Variants in BIRC2 observed in about 807,000 individuals in gnomAD.
BIRC2 encodes the protein baculoviral IAP repeat containing 2, also known as baculoviral IAP repeat-containing protein 2.
BIRC2 carries 18 observed loss-of-function variants against 60.9 expected under a neutral mutation model. The ratio of observed to expected loss-of-function variants is 0.30; its 90% CI spans 0.20 to 0.44. BIRC2 has a LOEUF of 0.44. Among genes scored for constraint, BIRC2 ranks in the 20% least tolerant of loss-of-function variants. The pLI, the probability that BIRC2 is intolerant of heterozygous loss-of-function variation, is 1.00. For missense variants in BIRC2, 701 were observed against 728.5 expected, an observed-to-expected ratio of 0.96 and a Z score of 0.43; for synonymous variants, 282 against 247.7, an observed-to-expected ratio of 1.14 and a Z score of -1.30.
At chr11:102,351,747 C>CT (rs1480839599) in intron 3 of BIRC2, among the ~76,000 whole-genome samples, 2 of 149,334 alleles carry the variant, frequency 1.3e-5, no homozygotes, top group Non-Finnish European at 1.5e-5. Context: ...CTAGCAGTGT[C>CT]TTTTTTTATT....
intron 3 of BIRC2, among the ~76,000 whole-genome samples, chr11:102,356,185 A>C (rs1217523925): frequency 6.6e-6 from 1 of 151,558 alleles, no homozygotes; most frequent in African/African-American, 2.4e-5. Flanking sequence ...GTTAGTGGAA[A>C]AGCTGAAAGC....
At position 102,377,835 on chromosome 11, in the gene BIRC2, T is replaced by C. The variant is rs1314145631; in HGVS notation, c.1622-22T>C. On this transcript the variant is annotated intron_variant, in intron 7 of 8. Transcript: ENST00000227758. ...AGTTTTGTATTTAGTAGAGTAATGG[T>C]TTTTATGTTTTCTTTCCTCAGTGGA... is the stretch of plus-strand genomic sequence containing the variant. 8.1e-6 allele frequency: 13 copies of C among 1,600,516 alleles called. No homozygotes were observed. The Admixed American group carries it at 2.1e-4, about 26-fold the overall frequency.
intron 6 of BIRC2, among the ~76,000 whole-genome samples, chr11:102,369,737 C>T (rs1305649757): frequency 6.7e-6 from 1 of 148,816 alleles, no homozygotes; most frequent in East Asian, 1.9e-4. Flanking sequence ...GAGGAATCGC[C>T]ACACTGACTT....
Position 102,368,326 on chromosome 11 carries a change from G to A in BIRC2, c.1144G>A (p.Glu382Lys), listed in dbSNP as rs963755414. ...DPPIIHFGPG[E>K]SSSEDAVMMN... is the part of the protein sequence containing the mutation. Reference sequence around the variant, plus strand: ...AATAGTTATTCATTTTGGACCTGGAGAAAGTTCTTCAGAAGATGCTGTCAT... The same window carrying A: ...AATAGTTATTCATTTTGGACCTGGAAAAAGTTCTTCAGAAGATGCTGTCAT... The change falls in exon 6 of 9, where the codon GAA (glutamate) becomes AAA (lysine). Residue 382 changes from glutamate to lysine, a missense_variant. Glu to Lys is a moderately conservative substitution (Grantham distance 56). Coordinates refer to ENST00000227758, the MANE Select transcript of BIRC2 (RefSeq NM_001166.5). 2 of 1,612,852 alleles carry A rather than the reference G, an allele frequency of 1.2e-6. No homozygotes were observed. The highest frequency in any genetic ancestry group is 8.5e-7 in the Non-Finnish European group (1 of 1,179,458).
intron 3 of BIRC2, among the ~76,000 whole-genome samples, chr11:102,351,947 G>C (rs1951367515): frequency 1.3e-5 from 2 of 152,164 alleles, no homozygotes; most frequent in Admixed American, 6.5e-5. Flanking sequence ...GTGTATAGTT[G>C]TGTGTCATTA....
chr11:102,368,905 A>G (rs1591540733), intron 6 of BIRC2, among the ~76,000 whole-genome samples: 1 of 149,428 alleles, frequency 6.7e-6, no homozygotes, highest in Non-Finnish European at 1.5e-5. Flanking sequence ...TCTTTTTTCA[A>G]CCTGTTTTTT....
At chr11:102,348,509 A>G (rs768184929) in intron 1 of BIRC2, 89 bp from the exon 2 acceptor site, 8 of 167,758 alleles carry the variant, frequency 4.8e-5, no homozygotes, top group Non-Finnish European at 9.2e-5. Context: ...AATTATTCTT[A>G]GACTTTACTG....
At chr11:102,374,655 A>C (rs1295910829) in intron 6 of BIRC2, among the ~76,000 whole-genome samples, 1 of 152,088 alleles carries the variant, frequency 6.6e-6, no homozygotes, top group African/African-American at 2.4e-5. Context: ...GGTGGAGCCT[A>C]CAGAGGCAGG....
chr11:102,369,527 G>A (rs937737558), intron 6 of BIRC2, among the ~76,000 whole-genome samples: 1 of 149,394 alleles, frequency 6.7e-6, no homozygotes, highest in Non-Finnish European at 1.5e-5. Flanking sequence ...GTATTCCATG[G>A]TGTATATGTG....
chr11:102,364,691 G>A (rs775428601), intron 5 of BIRC2, among the ~76,000 whole-genome samples: 2 of 152,146 alleles, frequency 1.3e-5, no homozygotes, highest in South Asian at 2.1e-4. Context: ...TTTGTTAACT[G>A]GACCAGAGAA....
intron 3 of BIRC2, among the ~76,000 whole-genome samples, chr11:102,361,136 G>T (rs934328820): frequency 2.6e-5 from 4 of 152,086 alleles, no homozygotes; most frequent in Non-Finnish European, 5.9e-5. Context: ...TGATGTCTCT[G>T]ATGGCGTGGA....
intron 6 of BIRC2, among the ~76,000 whole-genome samples, chr11:102,374,868 G>C (rs1951688552): frequency 6.6e-6 from 1 of 152,222 alleles, no homozygotes; most frequent in Admixed American, 6.5e-5. Context: ...ATAATCTCTT[G>C]GTTCGCCGTT....
At chr11:102,375,022 G>C (rs1049744310) in intron 6 of BIRC2, among the ~76,000 whole-genome samples, 1 of 152,318 alleles carries the variant, frequency 6.6e-6, no homozygotes, top group Admixed American at 6.5e-5. Flanking sequence ...GCCCTGCTTC[G>C]GTTTGCACAC....
At chr11:102,357,161 A>G (rs61895376) in intron 3 of BIRC2, among the ~76,000 whole-genome samples, 9,767 of 152,216 alleles carry the variant, frequency 0.064, 365 homozygotes, top group Non-Finnish European at 0.081. Flanking sequence ...CTATTGGCAT[A>G]TAATTTTCTT....
chr11:102,365,283 T>G (rs1951540815), intron 5 of BIRC2, among the ~76,000 whole-genome samples: 1 of 152,102 alleles, frequency 6.6e-6, no homozygotes, highest in Non-Finnish European at 1.5e-5. Flanking sequence ...TTTTTCCACC[T>G]CTCCTGAATC....
intron 1 of BIRC2, chr11:102,347,659 C>G (rs1161745096): frequency 1.3e-5 from 2 of 152,254 alleles, no homozygotes; most frequent in Non-Finnish European, 2.9e-5. Flanking sequence ...TGGACTTTGA[C>G]CAAGATGTTT....
At chr11:102,356,788 C>T (rs2135808566) in intron 3 of BIRC2, among the ~76,000 whole-genome samples, 1 of 151,230 alleles carries the variant, frequency 6.6e-6, no homozygotes, top group African/African-American at 2.4e-5. Context: ...AAGTGATTCT[C>T]CTGCCTCAGC....
intron 4 of BIRC2, 57 bp from the exon 5 acceptor site, chr11:102,363,610 CT>C: frequency 7.5e-7 from 1 of 1,340,408 alleles, no homozygotes; most frequent in Non-Finnish European, 1.1e-6. Flanking sequence ...TAGTGTTGTT[CT>C]TTTCAGATTG....
intron 3 of BIRC2, among the ~76,000 whole-genome samples, chr11:102,358,764 C>A (rs2135810230): frequency 6.6e-6 from 1 of 152,230 alleles, no homozygotes; most frequent in South Asian, 2.1e-4. Flanking sequence ...GTAAAGTCTG[C>A]CCTATCTGAT....
Sources: gnomAD v4.1 joint callset for allele counts (sites outside exome capture counted in the v4.1 genomes callset) on GRCh38, gnomAD v4.1.1 for gene constraint, MANE v1.5 for transcripts, NCBI Gene and HGNC (gene_info 2026-07-23, HGNC 2026-07-21) for gene names.